ABLIM1: variants seen among roughly 807,000 people sequenced by gnomAD.
ABLIM1 encodes actin binding LIM protein 1, also known as actin-binding LIM protein 1.
ABLIM1 carries 40 observed loss-of-function variants against 107.0 expected under a neutral mutation model. The ratio of observed to expected loss-of-function variants is 0.37; its 90% CI spans 0.29 to 0.49. The LOEUF is 0.49. Among genes scored for constraint, ABLIM1 ranks in the 20% least tolerant of loss-of-function variants. The pLI is 0.97. For synonymous variants in ABLIM1, 357 were observed against 357.3 expected (o/e 1.00, Z 0.01); for missense variants, 857 against 1,008.5 (o/e 0.85, Z 2.04).
chr10:114,644,896 C>T (rs1370327951), intron 1 of ABLIM1, among the ~76,000 whole-genome samples: 6 of 152,178 alleles, frequency 3.9e-5, no homozygotes, highest in Admixed American at 2.6e-4. Flanking sequence ...AGGGCCTCCC[C>T]TCAAACTAAA....
chr10:114,465,228 C>T (rs1456709088), intron 12 of ABLIM1, among the ~76,000 whole-genome samples: 1 of 152,154 alleles, frequency 6.6e-6, no homozygotes, highest in Non-Finnish European at 1.5e-5. Context: ...TGATCAAGAA[C>T]AGCCCTGAGT....
chr10:114,495,625 G>A lies in ABLIM1; in HGVS notation c.895-3747C>T, dbSNP rs565182284. 2.2e-4 allele frequency among the ~76,000 whole-genome samples: 34 copies of A among 151,984 alleles called. 1 individual carries two copies. Among genetic ancestry groups the A allele is most frequent in the African/African-American group, 8.0e-4 (33 of 41,270 alleles). ...ATGATGTGGTGGTGATGACGGTGCT[G>A]CTGCTGCTGCTGCTGCTGACATTGA... is the stretch of plus-strand genomic sequence containing the variant. On this transcript the variant is annotated intron_variant, in intron 6 of 22. Coordinates refer to ENST00000533213, the MANE Select transcript of ABLIM1 (RefSeq NM_002313.7).
chr10:114,545,996 T>C (rs9421179), intron 5 of ABLIM1, among the ~76,000 whole-genome samples: 116,177 of 149,458 alleles, frequency 0.78, 45,774 homozygotes, highest in African/African-American at 0.92. Context: ...CAGCATTCAT[T>C]CCCCTACAAG....
intron 4 of ABLIM1, 90 bp from the exon 5 acceptor site, chr10:114,547,866 C>A: frequency 6.7e-7 from 1 of 1,492,972 alleles, no homozygotes; most frequent in Non-Finnish European, 9.0e-7. Context: ...GTGTGCCCAT[C>A]ACACACTCAA....
chr10:114,642,057 T>A (rs1367003174), intron 1 of ABLIM1, among the ~76,000 whole-genome samples: 1 of 151,704 alleles, frequency 6.6e-6, no homozygotes, highest in East Asian at 2.0e-4. Context: ...TGATTTTTAA[T>A]TTTTAATTTT....
At chr10:114,545,523 T>C (rs1591078313) in intron 5 of ABLIM1, among the ~76,000 whole-genome samples, 1 of 152,130 alleles carries the variant, frequency 6.6e-6, no homozygotes, top group African/African-American at 2.4e-5. Flanking sequence ...GGCAAATCAA[T>C]AGGCAATATC....
chr10:114,490,965 G>A (rs985152537), intron 7 of ABLIM1, among the ~76,000 whole-genome samples: 2 of 119,784 alleles, frequency 1.7e-5, no homozygotes, highest in African/African-American at 3.4e-5. Context: ...CACCACGCCC[G>A]GCATATATAT....
intron 6 of ABLIM1, chr10:114,502,247 G>A (rs1228725499): frequency 1.2e-5 from 2 of 173,196 alleles, no homozygotes; most frequent in African/African-American, 4.7e-5. Context: ...AGGGTAACCA[G>A]GGACCTGAGG....
At chr10:114,450,220 A>C (rs1220234843) in intron 14 of ABLIM1, 4 of 157,918 alleles carry the variant, frequency 2.5e-5, no homozygotes, top group Non-Finnish European at 1.4e-5. Flanking sequence ...ATAAAAAAAA[A>C]AAAACAAAAA....
chr10:114,438,594 G>A (rs2059752352), intron 21 of ABLIM1, among the ~76,000 whole-genome samples: 1 of 152,200 alleles, frequency 6.6e-6, no homozygotes, highest in Non-Finnish European at 1.5e-5. Flanking sequence ...CTGTTATAGG[G>A]CAGGGTGCAT....
intron 2 of ABLIM1, among the ~76,000 whole-genome samples, chr10:114,600,048 A>T (rs2075827971): frequency 6.6e-6 from 1 of 152,204 alleles, no homozygotes; most frequent in Admixed American, 6.5e-5. Flanking sequence ...TATCTGGTAT[A>T]TGGAACCTGC....
chr10:114,685,075 G>T (rs1411147872), upstream of ABLIM1: 1 of 152,134 alleles, frequency 6.6e-6, no homozygotes, highest in Non-Finnish European at 1.5e-5. Flanking sequence ...ACCTCATCCG[G>T]AAAGACTCAG....
In ABLIM1 at chr10:114,609,706, C is replaced by T. The variant is rs138689139; in HGVS notation, c.245-7745G>A. On this transcript the variant is annotated intron_variant, in intron 1 of 22. Coordinates refer to ENST00000533213, the MANE Select transcript of ABLIM1 (RefSeq NM_002313.7). ...TAACACTATAGGGACATCTCCCATGCGAAGGTCCAGGGTCCTGAACTTCTG... is the reference window on the plus strand; with the variant it reads ...TAACACTATAGGGACATCTCCCATGTGAAGGTCCAGGGTCCTGAACTTCTG... 7.4e-3 allele frequency among the ~76,000 whole-genome samples: 1,134 copies of T among 152,260 alleles called. 13 individuals carry two copies. Among genetic ancestry groups the T allele is most frequent in the African/African-American group, 0.025 (1,049 of 41,546 alleles).
chr10:114,601,412 C>CATG (rs2075986138), intron 2 of ABLIM1, among the ~76,000 whole-genome samples: 1 of 151,900 alleles, frequency 6.6e-6, no homozygotes. Context: ...ATTACAGACG[C>CATG]CCACCACTGC....
intron 2 of ABLIM1, among the ~76,000 whole-genome samples, chr10:114,578,631 C>T (rs1421627369): frequency 3.3e-5 from 5 of 151,788 alleles, no homozygotes; most frequent in African/African-American, 7.3e-5. Flanking sequence ...GTGTTGAACT[C>T]GTAACCTCAG....
At chr10:114,519,492 G>A (rs373955947) in intron 6 of ABLIM1, among the ~76,000 whole-genome samples, 1 of 152,162 alleles carries the variant, frequency 6.6e-6, no homozygotes, top group African/African-American at 2.4e-5. Flanking sequence ...CCTCGGCTGG[G>A]AGAGGCAAGT....
intron 4 of ABLIM1, among the ~76,000 whole-genome samples, chr10:114,558,330 T>C (rs898948639): frequency 6.6e-5 from 10 of 152,316 alleles, no homozygotes; most frequent in Non-Finnish European, 1.3e-4. Flanking sequence ...TGACAAATGC[T>C]TCTATGTATG....
intron 1 of ABLIM1, among the ~76,000 whole-genome samples, chr10:114,746,370 T>G (rs963557262): frequency 6.6e-6 from 1 of 152,222 alleles, no homozygotes; most frequent in African/African-American, 2.4e-5. Context: ...TTATTTCACT[T>G]AGCATTGTGT....
At chr10:114,673,572 C>G (rs1012202282) in intron 1 of ABLIM1, among the ~76,000 whole-genome samples, 1 of 152,190 alleles carries the variant, frequency 6.6e-6, no homozygotes, top group East Asian at 1.9e-4. Context: ...TGGCTCCCAA[C>G]CCCACCACAC....
Sources: gnomAD v4.1 joint callset for allele counts (sites outside exome capture counted in the v4.1 genomes callset) on GRCh38, gnomAD v4.1.1 for gene constraint, MANE v1.5 for transcripts, NCBI Gene and HGNC (gene_info 2026-07-23, HGNC 2026-07-21) for gene names.